The following SACS variants were observed in gnomAD, a reference collection of about 807,000 sequenced individuals.
SACS encodes sacsin molecular chaperone.
Under a neutral mutation model 348.0 loss-of-function variants are expected in SACS, and 197 were observed. The observed-to-expected ratio is 0.57, with a 90% CI of 0.50 to 0.64. The LOEUF (loss-of-function observed/expected upper bound fraction) is 0.64. Among genes scored for constraint, SACS ranks in the 30% least tolerant of loss-of-function variants. The pLI is 0.00. For missense variants in SACS, 4,999 were observed against 5,360.8 expected (o/e 0.93, Z 2.11); for synonymous variants, 1,985 against 1,910.6 (o/e 1.04, Z -1.02).
chr13:23,429,506 G>A (rs1874345253), intron 1 of SACS, among the ~76,000 whole-genome samples: 2 of 151,988 alleles, frequency 1.3e-5, no homozygotes, highest in South Asian at 2.1e-4. Flanking sequence ...GGGACTACAG[G>A]CGCCCGCCAC....
intron 2 of SACS, among the ~76,000 whole-genome samples, chr13:23,386,733 C>CA (rs758273304): frequency 2.0e-5 from 3 of 152,190 alleles, no homozygotes; most frequent in South Asian, 2.1e-4. Flanking sequence ...TAAGCTTAGT[C>CA]ATTTCTAGCT....
At chr13:23,366,280 T>G (rs897836449) in intron 5 of SACS, among the ~76,000 whole-genome samples, 2 of 152,272 alleles carry the variant, frequency 1.3e-5, no homozygotes, top group Admixed American at 1.3e-4. Flanking sequence ...GGAGCAGAAG[T>G]GAAAAGTCAG....
Position 23,340,680 on chromosome 13 carries a change from A to C in SACS, c.3196T>G (p.Cys1066Gly), listed in dbSNP as rs936722232. 1 of 1,593,974 alleles carries C rather than the reference A, an allele frequency of 6.3e-7. No homozygotes were observed. The highest frequency in any genetic ancestry group is 1.4e-5 in the African/African-American group (1 of 73,908). ...PDIEVLKDLF[C>G]NEEGTYFPPS... is the part of the protein sequence containing the mutation. ...GGGAAATAGGTTCCTTCTTCATTACAAAAGAGATCCTTTAGTACTTCTATA... is the reference window on the plus strand; with the variant it reads ...GGGAAATAGGTTCCTTCTTCATTACCAAAGAGATCCTTTAGTACTTCTATA... Residue 1066 changes from cysteine to glycine, a missense_variant, in exon 10 of 10, where the codon TGT (cysteine) becomes GGT (glycine). By Grantham distance (159) the Cys-to-Gly change is radical (BLOSUM62 -3). Transcript: ENST00000382292.
At position 23,334,979 on chromosome 13, in the gene SACS, T is replaced by A. The variant is rs770586802; in HGVS notation, c.8897A>T (p.Asn2966Ile). ...LKKFLSFFPVNRLDLQPDLYC... is the reference protein window; with the variant it reads ...LKKFLSFFPVIRLDLQPDLYC... ...TAAATCTGGCTGTAGATCAAGACGG[T>A]TAACTGGGAAAAACGATAAAAACTT... The change falls in exon 10 of 10, where the codon AAC becomes ATC. Residue 2966 changes from asparagine (N) to isoleucine (I), a missense_variant. Physicochemically the swap from Asn to Ile is moderately radical, Grantham distance 149 (BLOSUM62 -3). Coordinates refer to ENST00000382292, the MANE Select transcript of SACS (RefSeq NM_014363.6). 3 of 1,613,898 alleles carry A rather than the reference T, an allele frequency of 1.9e-6. No homozygotes were observed. The Admixed American group carries it at 5.0e-5, about 27-fold the overall frequency.
At chr13:23,415,435 A>C (rs1278200577) in intron 1 of SACS, among the ~76,000 whole-genome samples, 1 of 152,174 alleles carries the variant, frequency 6.6e-6, no homozygotes, top group East Asian at 1.9e-4. Flanking sequence ...ACGTTTACAC[A>C]TGTTCATCTC....
chr13:23,410,678 A>T (rs1404571870), intron 2 of SACS, among the ~76,000 whole-genome samples: 1 of 152,012 alleles, frequency 6.6e-6, no homozygotes, highest in Non-Finnish European at 1.5e-5. Flanking sequence ...TTATATAAAT[A>T]TACATACTTT....
At chr13:23,396,412 A>C (rs1872713877) in intron 2 of SACS, among the ~76,000 whole-genome samples, 1 of 152,122 alleles carries the variant, frequency 6.6e-6, no homozygotes, top group Non-Finnish European at 1.5e-5. Flanking sequence ...TCAAGCTCAT[A>C]TGATTTGAGT....
chr13:23,420,531 AATG>A (rs1873889993), intron 1 of SACS, among the ~76,000 whole-genome samples: 1 of 151,790 alleles, frequency 6.6e-6, no homozygotes, highest in African/African-American at 2.4e-5. Flanking sequence ...CCTTGGGCCT[AATG>A]TCCACCTGTG....
chr13:23,432,390 G>C (rs1442793490), intron 1 of SACS, among the ~76,000 whole-genome samples: 10 of 152,076 alleles, frequency 6.6e-5, no homozygotes, highest in Admixed American at 6.6e-4. Context: ...AGAAAAGAAA[G>C]AAAAAATTGC....
At chr13:23,392,867 G>C (rs1181860308) in intron 2 of SACS, among the ~76,000 whole-genome samples, 2 of 152,152 alleles carry the variant, frequency 1.3e-5, no homozygotes, top group African/African-American at 4.8e-5. Context: ...CACATGTGAA[G>C]GACGGGTTTT....
At chr13:23,408,808 AC>A (rs1873344274) in intron 2 of SACS, among the ~76,000 whole-genome samples, 1 of 151,934 alleles carries the variant, frequency 6.6e-6, no homozygotes, top group Non-Finnish European at 1.5e-5. Flanking sequence ...TACTAAAAAT[AC>A]AAAAAATTAG....
At chr13:23,343,613 G>A (rs1387367054) in intron 9 of SACS, among the ~76,000 whole-genome samples, 1 of 152,228 alleles carries the variant, frequency 6.6e-6, no homozygotes, top group Non-Finnish European at 1.5e-5. Context: ...GAACCCGGGA[G>A]GCGGAGGTTG....
chr13:23,337,341 C>T lies in SACS; in HGVS notation c.6535G>A (p.Val2179Ile), dbSNP rs752216863. The T allele has an allele frequency of 1.2e-5, 19 of 1,613,852 alleles. No homozygotes were observed. Among genetic ancestry groups the T allele is most frequent in the Non-Finnish European group, 1.4e-5 (17 of 1,179,928 alleles). ...SVAEINKSDH[V>I]AACLRSSILL... ...ATACTACTTCTTAGGCATGCAGCAA[C>T]ATGATCACTTTTATTAATTTCAGCT... The change falls in exon 10 of 10, where the codon GTT becomes ATT. Residue 2179 changes from valine (V) to isoleucine (I), a missense_variant. By Grantham distance (29) the Val-to-Ile change is conservative (BLOSUM62 3). Transcript: ENST00000382292.
chr13:23,400,264 C>T (rs988266072), intron 2 of SACS, among the ~76,000 whole-genome samples: 2 of 152,086 alleles, frequency 1.3e-5, no homozygotes, highest in Non-Finnish European at 2.9e-5. Flanking sequence ...CAGAGTGAGA[C>T]TGAATTGTAA....
At chr13:23,346,737 CA>C in intron 9 of SACS, 1 of 736,714 alleles carries the variant, frequency 1.4e-6, no homozygotes, top group African/African-American at 1.9e-5. Flanking sequence ...TAGGTAAATG[CA>C]AAAACAGAAT....
At chr13:23,408,559 G>T in intron 2 of SACS, among the ~76,000 whole-genome samples, 1 of 152,286 alleles carries the variant, frequency 6.6e-6, no homozygotes, top group East Asian at 1.9e-4. Context: ...CATAAAGCCA[G>T]GGCCTGAGAA....
intron 6 of SACS, among the ~76,000 whole-genome samples, chr13:23,364,765 C>G (rs1311306461): frequency 6.6e-6 from 1 of 152,208 alleles, no homozygotes; most frequent in Non-Finnish European, 1.5e-5. Context: ...TCTTCCCACC[C>G]AACTTCCAAA....
Position 23,340,437 on chromosome 13 carries a change from C to G in SACS, c.3439G>C (p.Gly1147Arg). Residue 1147 changes from glycine to arginine, a missense_variant, in exon 10 of 10, where the codon GGA becomes CGA. This residue lies in a region of SACS where 3,156 missense variants were observed against 3,380.1 expected (regional missense o/e 0.93). Transcript: ENST00000382292. The stretch of plus-strand genomic sequence containing the variant: ...TTTATTTTCTTCAATGTCATCTTTC[C>G]TTCAGATGATTGCAACAGTGTGTGA... ...KNHTLLQSSE[G>R]KMTLKKIKWV... The G allele has an allele frequency of 6.2e-7, 1 of 1,614,038 alleles. No individual in the cohort carries two copies.
At chr13:23,352,865 C>G (rs544073447) in intron 9 of SACS, among the ~76,000 whole-genome samples, 2 of 152,206 alleles carry the variant, frequency 1.3e-5, no homozygotes, top group African/African-American at 2.4e-5. Context: ...TTAACTCCAA[C>G]CTAACTTGCC....
Sources: gnomAD v4.1 joint callset for allele counts (sites outside exome capture counted in the v4.1 genomes callset) on GRCh38, gnomAD v4.1.1 for gene constraint, gnomAD v4.1.1 regional missense constraint, MANE v1.5 for transcripts, NCBI Gene and HGNC (gene_info 2026-07-23, HGNC 2026-07-21) for gene names.